GATM: variants seen among roughly 807,000 people sequenced by gnomAD.
GATM encodes glycine amidinotransferase.
Under a neutral mutation model 54.2 loss-of-function variants are expected in GATM, and 23 were observed. That is an observed-to-expected ratio of 0.42 (90% CI 0.31 to 0.60). The LOEUF is 0.60. Among genes scored for constraint, GATM ranks in the 20% least tolerant of loss-of-function variants. The pLI, the probability that GATM is intolerant of heterozygous loss-of-function variation, is 0.14. For synonymous variants in GATM, 168 were observed against 183.1 expected, an observed-to-expected ratio of 0.92 and a Z score of 0.67; for missense variants, 401 against 544.9, an observed-to-expected ratio of 0.74 and a Z score of 2.63.
At chr15:45,384,435 A>G (rs1166626328) in intron 3 of GATM, among the ~76,000 whole-genome samples, 1 of 152,172 alleles carries the variant, frequency 6.6e-6, no homozygotes, top group Non-Finnish European at 1.5e-5. Context: ...AAGCTCAGGT[A>G]TAGCTTAGAT....
chr15:45,370,118 G>C (rs1351608757), intron 2 of GATM, among the ~76,000 whole-genome samples: 1 of 152,130 alleles, frequency 6.6e-6, no homozygotes, highest in Non-Finnish European at 1.5e-5. Flanking sequence ...TGCTCAGCCT[G>C]TAACCCCAGC....
At position 45,362,110 on chromosome 15, in the gene GATM, C is replaced by T. The variant is rs771570588; in HGVS notation, c.1271G>A (p.Ter424=). The T allele has an allele frequency of 6.3e-7, 1 of 1,596,842 alleles. No homozygotes were observed. Among genetic ancestry groups the T allele is most frequent in the Non-Finnish European group, 8.6e-7 (1 of 1,164,764 alleles). The change falls in exon 9 of 9, where the codon TGA becomes TAA. Residue 424 remains the stop codon, a stop_retained_variant. Coordinates refer to ENST00000396659, the MANE Select transcript of GATM (RefSeq NM_001482.3). ...AGCCACAAGCTCCATCAGGCCTGTT[C>T]AGTCCAAGTAGGACTGTAAGGTGCC... ...RRGTLQSYLD[*]
At chr15:45,385,622 T>A (rs1314997587) in intron 3 of GATM, among the ~76,000 whole-genome samples, 1 of 152,204 alleles carries the variant, frequency 6.6e-6, no homozygotes, top group Non-Finnish European at 1.5e-5. Flanking sequence ...ATATGTCAGG[T>A]TGACATATTA....
intron 8 of GATM, among the ~76,000 whole-genome samples, chr15:45,362,826 G>A (rs1889384800): frequency 6.6e-6 from 1 of 152,170 alleles, no homozygotes; most frequent in Non-Finnish European, 1.5e-5. Context: ...TTAACCAATG[G>A]TATTTAGGAA....
At chr15:45,377,076 T>C in intron 1 of GATM, 1 of 507,164 alleles carries the variant, frequency 2.0e-6, no homozygotes, top group Non-Finnish European at 3.6e-6. Flanking sequence ...GAAGACCGTG[T>C]CCCCAGCTAC....
chr15:45,399,038 A>C (rs1326972697), intron 2 of GATM, among the ~76,000 whole-genome samples: 1 of 152,222 alleles, frequency 6.6e-6, no homozygotes, highest in Non-Finnish European at 1.5e-5. Context: ...CCTTGAATGT[A>C]ACAAAGGACA....
At chr15:45,384,900 G>A (rs1198405528) in intron 3 of GATM, among the ~76,000 whole-genome samples, 1 of 152,108 alleles carries the variant, frequency 6.6e-6, no homozygotes, top group East Asian at 1.9e-4. Context: ...TAGAGATGAG[G>A]TCATACTATG....
intron 3 of GATM, chr15:45,396,363 CCAGT>C (rs1366560873): frequency 6.6e-6 from 1 of 152,062 alleles, no homozygotes; most frequent in East Asian, 1.9e-4. Context: ...AGTCCTCAAA[CCAGT>C]CAAAGTATAA....
At chr15:45,379,224 A>C (rs1889699806), upstream of GATM, 2 of 152,110 alleles carry the variant, frequency 1.3e-5, no homozygotes, top group African/African-American at 4.8e-5. Flanking sequence ...CATGTTTTAA[A>C]ATTTTTGTTT....
intron 2 of GATM, among the ~76,000 whole-genome samples, chr15:45,371,700 T>C (rs1889547182): frequency 6.6e-6 from 1 of 152,244 alleles, no homozygotes; most frequent in Non-Finnish European, 1.5e-5. Flanking sequence ...TGACTGTTAC[T>C]CAAAGAGTGT....
chr15:45,363,976 A>G lies in GATM; in HGVS notation c.1083T>C (p.Asn361=), dbSNP rs553323072. Residue 361 remains asparagine, a synonymous_variant, in exon 8 of 9, where the codon AAT becomes AAC. Coordinates refer to ENST00000396659, the MANE Select transcript of GATM (RefSeq NM_001482.3). ...CACGTTTTTCATCTAGCATTAAGAC[A>G]TTCATGGAAAGCCATTTGGATGACA... ...LWMSSKWLSM[N]VLMLDEKRVM... 1 of 1,613,356 alleles carries G rather than the reference A, an allele frequency of 6.2e-7. No individual in the cohort carries two copies. Among genetic ancestry groups the G allele is most frequent in the African/African-American group, 1.3e-5 (1 of 75,056 alleles).
chr15:45,380,597 A>G (rs571629705), upstream of GATM: 1 of 152,202 alleles, frequency 6.6e-6, no homozygotes, highest in Non-Finnish European at 1.5e-5. Flanking sequence ...TACACATAAC[A>G]AGCCCTTGAG....
intron 6 of GATM, among the ~76,000 whole-genome samples, chr15:45,365,720 C>T (rs1175302648): frequency 1.3e-5 from 2 of 152,160 alleles, no homozygotes; most frequent in African/African-American, 4.8e-5. Flanking sequence ...GTCCAAAATT[C>T]GCTGCTGTGG....
intron 7 of GATM, chr15:45,364,246 G>T: frequency 1.9e-6 from 1 of 526,528 alleles, no homozygotes; most frequent in Non-Finnish European, 3.4e-6. Context: ...TATCTTGGCT[G>T]GGCATGGTAT....
At chr15:45,397,232 C>T (rs1189673949) in intron 2 of GATM, 1 of 152,028 alleles carries the variant, frequency 6.6e-6, no homozygotes. Flanking sequence ...TGACATGGAG[C>T]TCTTAAATCC....
At chr15:45,395,554 CAA>C (rs1889918295) in intron 3 of GATM, among the ~76,000 whole-genome samples, 1 of 152,086 alleles carries the variant, frequency 6.6e-6, no homozygotes, top group African/African-American at 2.4e-5. Context: ...AAAAATAATA[CAA>C]AGTCACTTTA....
chr15:45,388,933 A>G (rs978179730), intron 3 of GATM, among the ~76,000 whole-genome samples: 15 of 152,224 alleles, frequency 9.9e-5, no homozygotes, highest in Admixed American at 2.0e-4. Flanking sequence ...TTCTTCTGCA[A>G]GGAAGATTTA....
chr15:45,361,921 T>C lies in GATM; in HGVS notation c.*188A>G, dbSNP rs953392577. The C allele has an allele frequency of 1.8e-5, 11 of 617,076 alleles. No individual in the cohort carries two copies. Among genetic ancestry groups the C allele is most frequent in the Non-Finnish European group, 2.9e-5 (10 of 345,824 alleles). 38.2% of individuals were successfully genotyped at this position (617,076 alleles called of 1,614,324 possible). ...AAATAACTTTAGGAGTAGAGAGTAA[T>C]ACCTAGCAGAAGTTATTTTCTTTAT... is the stretch of plus-strand genomic sequence containing the variant. On this transcript the variant is annotated 3_prime_UTR_variant, in exon 9 of 9. Coordinates refer to ENST00000396659, the MANE Select transcript of GATM (RefSeq NM_001482.3).
upstream of GATM, among the ~76,000 whole-genome samples, chr15:45,382,888 C>T (rs189457394): frequency 4.0e-4 from 61 of 152,144 alleles, no homozygotes; most frequent in Non-Finnish European, 7.1e-4. Flanking sequence ...AATTATGTTT[C>T]CCTTCTTAAT....
Sources: allele counts gnomAD v4.1 joint callset (sites outside exome capture counted in the v4.1 genomes callset), GRCh38; gene constraint gnomAD v4.1.1; transcripts MANE v1.5; gene names NCBI Gene and HGNC (gene_info 2026-07-23, HGNC 2026-07-21).